RBFOX1: variants seen among roughly 807,000 people sequenced by gnomAD.
RBFOX1 encodes the protein RNA binding protein fox-1 homolog 1.
In RBFOX1, 8 loss-of-function variants were observed where a neutral mutation model predicts 57.7. The observed-to-expected ratio is 0.14, with a 90% CI of 0.08 to 0.25. The LOEUF (loss-of-function observed/expected upper bound fraction) is 0.25, where lower values mean the gene tolerates loss of function less well. Among genes scored for constraint, RBFOX1 ranks in the 10% least tolerant of loss-of-function variants. The pLI is 1.00. For missense variants in RBFOX1, 611 were observed against 548.5 expected (o/e 1.11, Z -1.14); for synonymous variants, 326 against 222.4 (o/e 1.47, Z -4.15).
chr16:7,076,641 CAAT>C (rs2058350491), intron 4 of RBFOX1, among the ~76,000 whole-genome samples: 1 of 152,080 alleles, frequency 6.6e-6, no homozygotes, highest in African/African-American at 2.4e-5. Flanking sequence ...TTTTTCCTCC[CAAT>C]AATATACCAT....
intron 3 of RBFOX1, among the ~76,000 whole-genome samples, chr16:6,816,193 C>A (rs1603628271): frequency 1.3e-5 from 2 of 152,150 alleles, no homozygotes; most frequent in East Asian, 3.9e-4. Flanking sequence ...CACTTGTAAT[C>A]CCAGCTCCTT....
At chr16:6,080,286 A>G (rs976200) in intron 1 of RBFOX1, among the ~76,000 whole-genome samples, 132,747 of 152,098 alleles carry the variant, frequency 0.87, 58,347 homozygotes, top group African/African-American at 0.97. Flanking sequence ...AAAGGTGGTT[A>G]ATACCACCAT....
intron 1 of RBFOX1, among the ~76,000 whole-genome samples, chr16:5,433,999 C>G (rs2067834129): frequency 6.6e-6 from 1 of 152,074 alleles, no homozygotes; most frequent in Non-Finnish European, 1.5e-5. Flanking sequence ...TGGGTCCACC[C>G]CAGTCCTATC....
chr16:6,940,278 G>T lies in RBFOX1; in HGVS notation c.-15-111779G>T, dbSNP rs772046432. Among the ~76,000 whole-genome samples the T allele has an allele frequency of 1.9e-4, 29 of 152,296 alleles. No homozygotes were observed. The Middle Eastern group carries it at 0.01, about 54-fold the overall frequency. ...GGCTTGGGCATGAGTCCTTGTTGCT[G>T]CCCATATAGGAAGGGGCTGCTGTGA... On this transcript the variant is annotated intron_variant, in intron 3 of 15. Transcript: ENST00000550418.
chr16:7,369,688 G>C (rs1382691133), intron 4 of RBFOX1, among the ~76,000 whole-genome samples: 2 of 152,000 alleles, frequency 1.3e-5, no homozygotes, highest in African/African-American at 2.4e-5. Flanking sequence ...AGGATGGAGG[G>C]GCTATTTGCC....
intron 4 of RBFOX1, among the ~76,000 whole-genome samples, chr16:7,360,083 T>C (rs1182020050): frequency 6.6e-6 from 1 of 152,122 alleles, no homozygotes; most frequent in Non-Finnish European, 1.5e-5. Context: ...AACTTAAATA[T>C]TCCCTCCCCC....
At chr16:7,244,030 A>G (rs931309469) in intron 4 of RBFOX1, among the ~76,000 whole-genome samples, 1 of 152,114 alleles carries the variant, frequency 6.6e-6, no homozygotes, top group Non-Finnish European at 1.5e-5. Context: ...CAATATCTCA[A>G]AATGATCTTT....
intron 14 of RBFOX1, among the ~76,000 whole-genome samples, chr16:7,680,884 C>T (rs922235406): frequency 6.6e-6 from 1 of 152,066 alleles, no homozygotes; most frequent in African/African-American, 2.4e-5. Flanking sequence ...TATTATCTTC[C>T]TCTCTGCACA....
chr16:7,490,681 T>C (rs146741278), intron 4 of RBFOX1, among the ~76,000 whole-genome samples: 2 of 152,318 alleles, frequency 1.3e-5, no homozygotes, highest in Non-Finnish European at 2.9e-5. Context: ...TGCTAGTTCA[T>C]AAGTCCAAGT....
chr16:5,828,442 G>A (rs930032244), intron 3 of RBFOX1, among the ~76,000 whole-genome samples: 3 of 152,198 alleles, frequency 2.0e-5, no homozygotes, highest in Non-Finnish European at 4.4e-5. Flanking sequence ...GCTCACGCCT[G>A]TAATTCCAGC....
intron 4 of RBFOX1, among the ~76,000 whole-genome samples, chr16:5,939,873 G>C (rs564431279): frequency 2.0e-5 from 3 of 152,210 alleles, no homozygotes; most frequent in South Asian, 2.1e-4. Context: ...GGTTGACAGT[G>C]TGGTGGGATG....
chr16:5,566,357 C>T (rs1012598373), intron 2 of RBFOX1, among the ~76,000 whole-genome samples: 12 of 152,040 alleles, frequency 7.9e-5, no homozygotes, highest in African/African-American at 2.7e-4. Context: ...ACACAAACAT[C>T]GGGCTGCAAA....
At chr16:6,063,320 C>G (rs979712250) in intron 1 of RBFOX1, among the ~76,000 whole-genome samples, 1 of 152,108 alleles carries the variant, frequency 6.6e-6, no homozygotes, top group Non-Finnish European at 1.5e-5. Flanking sequence ...CTACCTTCCT[C>G]ATGATGAGGG....
intron 2 of RBFOX1, among the ~76,000 whole-genome samples, chr16:6,357,721 G>T (rs1338912914): frequency 1.1e-4 from 17 of 152,046 alleles, no homozygotes; most frequent in Admixed American, 1.1e-3. Context: ...GTCCTAGGCG[G>T]GTGGATCACT....
In RBFOX1 at chr16:6,200,516, C is replaced by G. The variant is rs142882057; in HGVS notation, c.-126-116479C>G. 3.2e-4 allele frequency among the ~76,000 whole-genome samples: 49 copies of G among 152,240 alleles called. No homozygotes were observed. In the East Asian group the frequency reaches 9.5e-3, roughly 29 times the overall value. Reference sequence around the variant, plus strand: ...ATATGTGTTCCTAAAAATCACCACTCTGTGTAAAATCACACAATATAAACC... The same window carrying G: ...ATATGTGTTCCTAAAAATCACCACTGTGTGTAAAATCACACAATATAAACC... On this transcript the variant is annotated intron_variant, in intron 1 of 15. Transcript: ENST00000550418.
intron 1 of RBFOX1, among the ~76,000 whole-genome samples, chr16:6,130,141 C>G (rs1461025354): frequency 2.0e-5 from 3 of 152,072 alleles, no homozygotes; most frequent in Non-Finnish European, 4.4e-5. Flanking sequence ...AATGTATATG[C>G]TTTCACTTCT....
intron 4 of RBFOX1, among the ~76,000 whole-genome samples, chr16:5,915,489 G>T (rs1029481887): frequency 6.6e-6 from 1 of 152,132 alleles, no homozygotes; most frequent in Non-Finnish European, 1.5e-5. Context: ...GAATGAGACG[G>T]CAGGGTTCCT....
At chr16:5,895,021 T>TA (rs35125833) in intron 4 of RBFOX1, among the ~76,000 whole-genome samples, 43,784 of 151,058 alleles carry the variant, frequency 0.29, 6,632 homozygotes, top group East Asian at 0.37. Flanking sequence ...AGACTCCGTC[T>TA]AAAAAAAAAT....
chr16:5,926,095 G>C, intron 4 of RBFOX1, among the ~76,000 whole-genome samples: 1 of 152,178 alleles, frequency 6.6e-6, no homozygotes, highest in East Asian at 1.9e-4. Context: ...AAGCCATTAT[G>C]TAAATATCAG....
Sources: allele counts gnomAD v4.1 joint callset (sites outside exome capture counted in the v4.1 genomes callset), GRCh38; gene constraint gnomAD v4.1.1; transcripts MANE v1.5; gene names NCBI Gene and HGNC (gene_info 2026-07-23, HGNC 2026-07-21).